The following RIF1 variants were observed in gnomAD, a reference collection of about 807,000 sequenced individuals.
RIF1 encodes replication timing regulatory factor 1.
In RIF1, 45 loss-of-function variants were observed where a neutral mutation model predicts 247.1. The ratio of observed to expected loss-of-function variants is 0.18; its 90% confidence interval spans 0.14 to 0.23. The LOEUF (loss-of-function observed/expected upper bound fraction) is 0.23. Ranked by LOEUF, RIF1 falls within the 10% of genes least tolerant of loss-of-function variation. RIF1 has a pLI of 1.00. For synonymous variants in RIF1, 1,087 were observed against 978.8 expected, an observed-to-expected ratio of 1.11 and a Z score of -2.06; for missense variants, 2,967 against 2,862.5, an observed-to-expected ratio of 1.04 and a Z score of -0.83.
intron 10 of RIF1, chr2:151,496,434 AG>A: frequency 6.5e-7 from 1 of 1,527,726 alleles, no homozygotes; most frequent in Non-Finnish European, 8.9e-7. Flanking sequence ...AGAGGTTTTA[AG>A]GGTAAGGTCA....
downstream of RIF1, among the ~76,000 whole-genome samples, chr2:151,484,402 T>A (rs1196082647): frequency 6.6e-6 from 1 of 152,172 alleles, no homozygotes; most frequent in African/African-American, 2.4e-5. Context: ...TCAAGACCAG[T>A]CTGGCCAATA....
At chr2:151,457,425 G>C (rs1695390560) in intron 23 of RIF1, among the ~76,000 whole-genome samples, 1 of 152,142 alleles carries the variant, frequency 6.6e-6, no homozygotes, top group Non-Finnish European at 1.5e-5. Context: ...GCCCAGCCTA[G>C]TTAATCAACT....
chr2:151,510,945 C>A (rs573391302), downstream of RIF1, among the ~76,000 whole-genome samples: 30 of 152,206 alleles, frequency 2.0e-4, no homozygotes, highest in Non-Finnish European at 4.0e-4. Flanking sequence ...TGTGGAAACA[C>A]AAGCACCATC....
chr2:151,525,919 G>T, the RIF1 span: 1 of 1,474,860 alleles, frequency 6.8e-7, no homozygotes, highest in Non-Finnish European at 9.5e-7. Flanking sequence ...CAGTCAAGTG[G>T]CATTGTTGCT....
At chr2:151,531,583 C>T in the RIF1 span, among the ~76,000 whole-genome samples, 3 of 152,188 alleles carry the variant, frequency 2.0e-5, no homozygotes, top group African/African-American at 7.2e-5. Flanking sequence ...TCCCAAAGTG[C>T]TGGAATTACA....
At chr2:151,416,724 A>G in intron 5 of RIF1, 36 bp downstream of exon 5, 8 of 1,605,702 alleles carry the variant, frequency 5.0e-6, no homozygotes, top group South Asian at 4.5e-5. Flanking sequence ...TCTTAACTAT[A>G]TGCCAATTAA....
chr2:151,474,739 A>T, intron 35 of RIF1, 118 bp from the exon 36 acceptor site: 1 of 658,428 alleles, frequency 1.5e-6, no homozygotes, highest in South Asian at 1.8e-5. Flanking sequence ...CCTCATGAAG[A>T]CTTAAGCCTG....
intron 6 of RIF1, among the ~76,000 whole-genome samples, chr2:151,418,036 CG>C (rs1301335262): frequency 3.9e-5 from 6 of 152,058 alleles, no homozygotes; most frequent in African/African-American, 1.2e-4. Context: ...ACACTTACCA[CG>C]AATGGAGGTT....
At chr2:151,488,327 C>T (rs2052886002) in intron 9 of RIF1, among the ~76,000 whole-genome samples, 1 of 151,958 alleles carries the variant, frequency 6.6e-6, no homozygotes, top group African/African-American at 2.4e-5. Context: ...TGGAATTTGC[C>T]TGGGAAGGCT....
intron 10 of RIF1, among the ~76,000 whole-genome samples, chr2:151,435,019 A>G (rs888607549): frequency 2.0e-5 from 3 of 152,192 alleles, no homozygotes; most frequent in African/African-American, 7.2e-5. Context: ...CATTGTCAAC[A>G]ATGTAATTTG....
At chr2:151,450,171 G>A (rs1694047029) in intron 20 of RIF1, among the ~76,000 whole-genome samples, 1 of 151,330 alleles carries the variant, frequency 6.6e-6, no homozygotes, top group South Asian at 2.1e-4. Context: ...TTTTTTAATA[G>A]CACCAGGGAA....
chr2:151,534,188 G>A, the RIF1 span: 1 of 1,560,442 alleles, frequency 6.4e-7, no homozygotes, highest in Non-Finnish European at 8.8e-7. Context: ...GTCCTGCCTG[G>A]GCCACCGGCC....
At chr2:151,525,613 G>A in the RIF1 span, among the ~76,000 whole-genome samples, 1 of 152,176 alleles carries the variant, frequency 6.6e-6, no homozygotes, top group Non-Finnish European at 1.5e-5. Flanking sequence ...AGATTACTGA[G>A]GCCCAAAGAG....
At chr2:151,511,463 A>G (rs2074268116), downstream of RIF1, among the ~76,000 whole-genome samples, 1 of 152,222 alleles carries the variant, frequency 6.6e-6, no homozygotes, top group Non-Finnish European at 1.5e-5. Context: ...ATCATCTGTG[A>G]AAATTAAAAA....
At chr2:151,516,367 T>C in the RIF1 span, 2 of 795,290 alleles carry the variant, frequency 2.5e-6, no homozygotes, top group South Asian at 1.9e-5. Flanking sequence ...GCTACCACTT[T>C]TGGATGACAG....
intron 8 of RIF1, among the ~76,000 whole-genome samples, chr2:151,428,351 A>G (rs1689484392): frequency 1.3e-5 from 2 of 152,192 alleles, no homozygotes; most frequent in Non-Finnish European, 2.9e-5. Flanking sequence ...TGTTTCCTTA[A>G]TTTTCCATTC....
At chr2:151,440,243 C>G in intron 15 of RIF1, 116 bp downstream of exon 15, 1 of 664,782 alleles carries the variant, frequency 1.5e-6, no homozygotes, top group East Asian at 2.8e-5. Flanking sequence ...AAGCATTCAT[C>G]AGCAGTTTAG....
chr2:151,436,975 T>C lies in RIF1; in HGVS notation c.1344T>C (p.Ala448=). 2 of 1,612,410 alleles carry C rather than the reference T, an allele frequency of 1.2e-6. No individual in the cohort carries two copies. Among genetic ancestry groups the C allele is most frequent in the Non-Finnish European group, 1.7e-6 (2 of 1,179,612 alleles). ...FLLGPEALSF[A]KQNKLVLSLE... ...TGGGTCCAGAAGCCTTGAGTTTTGC[T>C]AAGCAAAATAAACTTGTGCTGAGCT... The change falls in exon 12 of 36, where the codon GCT becomes GCC. Residue 448 remains alanine (A), a synonymous_variant. Coordinates refer to ENST00000444746, the MANE Select transcript of RIF1 (RefSeq NM_018151.5).
chr2:151,418,745 G>A (rs1381196055), intron 6 of RIF1, among the ~76,000 whole-genome samples: 5 of 151,842 alleles, frequency 3.3e-5, no homozygotes, highest in African/African-American at 4.8e-5. Context: ...GTGGTGACGC[G>A]TGCCTGTAAT....
Sources: gnomAD v4.1 joint callset for allele counts (sites outside exome capture counted in the v4.1 genomes callset) on GRCh38, gnomAD v4.1.1 for gene constraint, MANE v1.5 for transcripts, NCBI Gene and HGNC (gene_info 2026-07-23, HGNC 2026-07-21) for gene names.